HLCS: variants seen among roughly 807,000 people sequenced by gnomAD.
HLCS encodes holocarboxylase synthetase.
In HLCS, 53 loss-of-function variants were observed where a neutral mutation model predicts 75.0. The ratio of observed to expected loss-of-function variants is 0.71; its 90% confidence interval spans 0.57 to 0.89. The LOEUF is 0.89. Among genes scored for constraint, HLCS ranks in the 40% least tolerant of loss-of-function variants. The pLI is 0.00. For missense variants in HLCS, 966 were observed against 1,074.0 expected, an observed-to-expected ratio of 0.90 and a Z score of 1.41; for synonymous variants, 431 against 428.6, an observed-to-expected ratio of 1.01 and a Z score of -0.07.
chr21:36,892,029 G>A (rs759997118), intron 6 of HLCS, among the ~76,000 whole-genome samples: 22 of 152,154 alleles, frequency 1.4e-4, no homozygotes, highest in Non-Finnish European at 2.8e-4. Context: ...AGAGTTTTTA[G>A]GCTGAAAAAC....
At chr21:36,804,106 T>C (rs2061293240) in intron 6 of HLCS, 1 of 152,510 alleles carries the variant, frequency 6.6e-6, no homozygotes, top group Non-Finnish European at 1.5e-5. Flanking sequence ...CAACCTTAAA[T>C]GAATGTGCAG....
At chr21:36,987,280 G>A (rs754743117) in intron 1 of HLCS, among the ~76,000 whole-genome samples, 1 of 152,150 alleles carries the variant, frequency 6.6e-6, no homozygotes, top group African/African-American at 2.4e-5. Flanking sequence ...CTGCTCCCCA[G>A]CTCTCTCAGC....
intron 6 of HLCS, among the ~76,000 whole-genome samples, chr21:36,864,414 A>G (rs1361933136): frequency 2.6e-5 from 4 of 152,024 alleles, no homozygotes; most frequent in Non-Finnish European, 5.9e-5. Flanking sequence ...AAAAAAGTAC[A>G]TGAACAAACA....
intron 2 of HLCS, among the ~76,000 whole-genome samples, chr21:36,948,495 G>A (rs897519110): frequency 1.3e-4 from 20 of 151,588 alleles, no homozygotes; most frequent in Admixed American, 5.3e-4. Context: ...TGGGGAGGCC[G>A]AGGCAGGAAG....
intron 2 of HLCS, among the ~76,000 whole-genome samples, chr21:36,949,333 A>C (rs7280892): frequency 0.56 from 85,540 of 152,198 alleles, 24,303 homozygotes; most frequent in East Asian, 0.64. Flanking sequence ...TCTGTCACTG[A>C]GCTGGAGCTG....
intron 6 of HLCS, among the ~76,000 whole-genome samples, chr21:36,838,477 G>A (rs545111413): frequency 5.3e-4 from 80 of 152,148 alleles, no homozygotes; most frequent in Non-Finnish European, 2.1e-4. Flanking sequence ...AGGCCGAGGC[G>A]GGCAGATCAC....
intron 1 of HLCS, among the ~76,000 whole-genome samples, chr21:36,972,700 T>C (rs1211218305): frequency 6.6e-6 from 1 of 152,224 alleles, no homozygotes; most frequent in African/African-American, 2.4e-5. Context: ...TTTGGTCTTA[T>C]ATATACTTGA....
intron 1 of HLCS, among the ~76,000 whole-genome samples, chr21:36,989,907 A>G (rs551859789): frequency 0.016 from 2,486 of 151,832 alleles, 63 homozygotes; most frequent in African/African-American, 0.055. Context: ...GCAGGGAAGA[A>G]CGCCAGCGGC....
chr21:36,977,138 A>G (rs1220739326), intron 1 of HLCS, among the ~76,000 whole-genome samples: 1 of 151,980 alleles, frequency 6.6e-6, no homozygotes, highest in African/African-American at 2.4e-5. Context: ...CTAGTTGACC[A>G]CTAGAGAGCG....
At chr21:36,927,524 C>T (rs144875277) in intron 5 of HLCS, among the ~76,000 whole-genome samples, 24 of 152,172 alleles carry the variant, frequency 1.6e-4, no homozygotes, top group Non-Finnish European at 2.1e-4. Flanking sequence ...ACAGCTGGTA[C>T]GCAGTAAAAC....
intron 6 of HLCS, among the ~76,000 whole-genome samples, chr21:36,824,442 G>A (rs2061945855): frequency 6.6e-6 from 1 of 152,156 alleles, no homozygotes. Context: ...GCCTGTCAGA[G>A]AAGGGAAAAG....
At chr21:36,904,340 T>A (rs1601691006) in intron 5 of HLCS, among the ~76,000 whole-genome samples, 1 of 152,322 alleles carries the variant, frequency 6.6e-6, no homozygotes, top group East Asian at 1.9e-4. Context: ...AAAGTAACAA[T>A]CTAAATTATT....
At chr21:36,900,972 C>G (rs571371865) in intron 5 of HLCS, among the ~76,000 whole-genome samples, 27 of 152,118 alleles carry the variant, frequency 1.8e-4, no homozygotes, top group African/African-American at 6.3e-4. Flanking sequence ...ATTAAAAATC[C>G]CACGGGGGCT....
At chr21:36,779,033 T>G (rs892528323) in intron 6 of HLCS, among the ~76,000 whole-genome samples, 1 of 151,862 alleles carries the variant, frequency 6.6e-6, no homozygotes, top group Non-Finnish European at 1.5e-5. Flanking sequence ...ATAGAAAATG[T>G]GTGCATGTGT....
rs1392246756 is a variant in HLCS, at chr21:36,939,979, G to A, written c.331-985C>T. On this transcript the variant is annotated intron_variant, in intron 2 of 10. Transcript: ENST00000674895. The stretch of plus-strand genomic sequence containing the variant: ...CAGGAGAATCGCTTGAACCCAAGAG[G>A]CAGAGGTTGCAGTGAGCTGAGATCG... 3.3e-5 allele frequency among the ~76,000 whole-genome samples: 5 copies of A among 152,296 alleles called. No individual in the cohort carries two copies. The East Asian group carries it at 9.6e-4, about 29-fold the overall frequency.
At chr21:36,875,606 C>T (rs1228926372) in intron 6 of HLCS, among the ~76,000 whole-genome samples, 1 of 152,220 alleles carries the variant, frequency 6.6e-6, no homozygotes, top group Non-Finnish European at 1.5e-5. Context: ...GCTGGACACT[C>T]ATCGGGACGA....
At chr21:36,871,356 C>G (rs2835517) in intron 6 of HLCS, among the ~76,000 whole-genome samples, 74,295 of 151,944 alleles carry the variant, frequency 0.49, 20,369 homozygotes, top group African/African-American at 0.75. Context: ...TAACACTTCA[C>G]TTTTAACTTT....
intron 6 of HLCS, among the ~76,000 whole-genome samples, chr21:36,826,349 G>T (rs3787759): frequency 3.9e-5 from 6 of 151,926 alleles, no homozygotes; most frequent in Non-Finnish European, 8.8e-5. Flanking sequence ...GAGATACGTG[G>T]ATCTCCAGAG....
chr21:36,936,511 T>C lies in HLCS; in HGVS notation c.1375A>G (p.Lys459Glu). Residue 459 changes from lysine (K) to glutamate (E), a missense_variant, in exon 4 of 11, where the codon AAG (lysine) becomes GAG (glutamate). Physicochemically the swap from Lys to Glu is moderately conservative, Grantham distance 56. Coordinates refer to ENST00000674895, the MANE Select transcript of HLCS (RefSeq NM_001352514.2). ...GGCACATGCACAATCATCCTGTCCT[T>C]GTCCTCATTCTCCAGGTGGCCCTGG... is the stretch of plus-strand genomic sequence containing the variant. ...RLQGHLENED[K>E]DRMIVHVPFG... The C allele has an allele frequency of 6.2e-7, 1 of 1,614,228 alleles. No individual in the cohort carries two copies. The highest frequency in any genetic ancestry group is 8.5e-7 in the Non-Finnish European group (1 of 1,180,048).
Sources: gnomAD v4.1 joint callset for allele counts (sites outside exome capture counted in the v4.1 genomes callset) on GRCh38, gnomAD v4.1.1 for gene constraint, MANE v1.5 for transcripts, NCBI Gene and HGNC (gene_info 2026-07-23, HGNC 2026-07-21) for gene names.